The following MYO3B variants were observed in gnomAD, a reference collection of about 807,000 sequenced individuals.
The protein encoded by MYO3B is myosin-IIIb.
MYO3B carries 156 observed loss-of-function variants against 174.6 expected under a neutral mutation model. The observed-to-expected ratio is 0.89, with a 90% CI of 0.78 to 1.02. The LOEUF is 1.02. Among genes scored for constraint, MYO3B ranks in the 50% least tolerant of loss-of-function variants. The pLI, the probability that MYO3B is intolerant of heterozygous loss-of-function variation, is 0.00. For synonymous variants in MYO3B, 563 were observed against 569.1 expected (o/e 0.99, Z 0.15); for missense variants, 1,632 against 1,639.4 (o/e 1.00, Z 0.08).
chr2:170,593,842 C>T (rs532287198), intron 32 of MYO3B, among the ~76,000 whole-genome samples: 240 of 152,252 alleles, frequency 1.6e-3, no homozygotes, highest in African/African-American at 5.4e-3. Flanking sequence ...GGAGCAACTG[C>T]AAGATTTTCC....
intron 6 of MYO3B, among the ~76,000 whole-genome samples, chr2:170,233,804 C>T (rs1559321556): frequency 6.6e-6 from 1 of 152,208 alleles, no homozygotes; most frequent in Non-Finnish European, 1.5e-5. Context: ...GTCCAATGCA[C>T]TGTTTCTGGA....
chr2:170,304,556 C>T (rs1316478085), intron 7 of MYO3B, among the ~76,000 whole-genome samples: 1 of 151,218 alleles, frequency 6.6e-6, no homozygotes. Context: ...CCTTCATCTC[C>T]CAGGTTCAAG....
chr2:170,404,160 C>A, intron 19 of MYO3B, 87 bp from the exon 20 acceptor site: 1 of 1,363,456 alleles, frequency 7.3e-7, no homozygotes, highest in Non-Finnish European at 1.0e-6. Context: ...TTCAATGTTG[C>A]TAGACCCAGA....
chr2:170,214,819 G>C lies in MYO3B; in HGVS notation c.517G>C (p.Val173Leu). Reference sequence around the variant, plus strand: ...GACAACAGAAGGAGGAGTTAAGCTCGTTGACTTTGGTAATGACTGCTTGTC... The same window carrying C: ...GACAACAGAAGGAGGAGTTAAGCTCCTTGACTTTGGTAATGACTGCTTGTC... The part of the protein sequence containing the change: ...LLTTEGGVKL[V>L]DFGVSAQLTS... Residue 173 changes from valine (V) to leucine (L), a missense_variant, in exon 5 of 35, where the codon GTT (valine) becomes CTT (leucine). Transcript: ENST00000408978. 8 of 1,612,628 alleles carry C rather than the reference G, an allele frequency of 5.0e-6. No individual in the cohort carries two copies. The highest frequency in any genetic ancestry group is 6.8e-6 in the Non-Finnish European group (8 of 1,178,698).
At chr2:170,234,184 AAAACAAAACAAAAC>A (rs1382919070) in intron 6 of MYO3B, among the ~76,000 whole-genome samples, 2,073 of 115,506 alleles carry the variant, frequency 0.018, 192 homozygotes, top group East Asian at 0.071. Context: ...AAAAAAAAAA[AAAACAAAACAAAAC>A]AAAAAAAAAA....
At chr2:170,280,241 A>G in intron 7 of MYO3B, among the ~76,000 whole-genome samples, 1 of 151,750 alleles carries the variant, frequency 6.6e-6, no homozygotes, top group Non-Finnish European at 1.5e-5. Context: ...TCATATGATT[A>G]TTGGCTGCAC....
At chr2:170,504,817 G>GT in intron 28 of MYO3B, among the ~76,000 whole-genome samples, 1 of 152,190 alleles carries the variant, frequency 6.6e-6, no homozygotes, top group African/African-American at 2.4e-5. Context: ...ATTATTGCTC[G>GT]TTTTTAATTG....
At chr2:170,413,760 C>T (rs1185520292) in intron 22 of MYO3B, among the ~76,000 whole-genome samples, 1 of 151,254 alleles carries the variant, frequency 6.6e-6, no homozygotes, top group Non-Finnish European at 1.5e-5. Context: ...TATCCTTAGG[C>T]CGGGTGCGGT....
intron 7 of MYO3B, among the ~76,000 whole-genome samples, chr2:170,260,257 A>G (rs1027987957): frequency 6.6e-6 from 1 of 152,176 alleles, no homozygotes; most frequent in Non-Finnish European, 1.5e-5. Context: ...AAAAAGACAC[A>G]TGTGCATGTA....
rs147422165 is a variant in MYO3B, at chr2:170,243,992, C to T, written c.749+7856C>T. 9.3e-4 allele frequency among the ~76,000 whole-genome samples: 141 copies of T among 152,294 alleles called. 2 individuals are homozygous for T. Among genetic ancestry groups the T allele is most frequent in the African/African-American group, 3.3e-3 (137 of 41,572 alleles). On this transcript the variant is annotated intron_variant, in intron 7 of 34. Transcript: ENST00000408978. ...TCACACACATACATGAATGCTGTGA[C>T]AGGAACTGCACATGAGGAAGCAGGG...
At chr2:170,371,185 T>C in intron 9 of MYO3B, among the ~76,000 whole-genome samples, 1 of 124,630 alleles carries the variant, frequency 8.0e-6, no homozygotes, top group African/African-American at 3.2e-5. Flanking sequence ...GCCACTGCAC[T>C]CCAGCCTGGG....
chr2:170,222,989 G>A (rs1157481822), intron 6 of MYO3B, among the ~76,000 whole-genome samples: 2 of 151,988 alleles, frequency 1.3e-5, no homozygotes, highest in Non-Finnish European at 2.9e-5. Flanking sequence ...CACATAGACT[G>A]TCTGCACTCT....
intron 3 of MYO3B, among the ~76,000 whole-genome samples, chr2:170,212,316 G>T (rs2105361129): frequency 6.6e-6 from 1 of 151,664 alleles, no homozygotes; most frequent in Admixed American, 6.6e-5. Context: ...AACAGGGAGA[G>T]AAACTTGGGA....
chr2:170,397,076 A>C (rs1574912237), intron 16 of MYO3B, among the ~76,000 whole-genome samples: 1 of 152,288 alleles, frequency 6.6e-6, no homozygotes, highest in East Asian at 1.9e-4. Flanking sequence ...AAGTCCCAGA[A>C]AACCTACTTA....
chr2:170,485,272 T>TTAAG (rs761834810), intron 25 of MYO3B, among the ~76,000 whole-genome samples: 2 of 152,108 alleles, frequency 1.3e-5, no homozygotes, highest in Non-Finnish European at 2.9e-5. Flanking sequence ...TCTAAAATTT[T>TTAAG]TAAGTATCAC....
chr2:170,307,685 T>C (rs1179897589), intron 7 of MYO3B, among the ~76,000 whole-genome samples: 3 of 152,226 alleles, frequency 2.0e-5, no homozygotes, highest in Non-Finnish European at 4.4e-5. Context: ...AACAGCTTTA[T>C]TGAGGCAGCA....
intron 23 of MYO3B, among the ~76,000 whole-genome samples, chr2:170,454,573 C>T (rs1683802197): frequency 1.3e-5 from 2 of 152,162 alleles, no homozygotes. Flanking sequence ...GCCCCTAATC[C>T]AAGAGAACTA....
At chr2:170,350,414 A>T (rs1453439023) in intron 8 of MYO3B, 1 of 152,188 alleles carries the variant, frequency 6.6e-6, no homozygotes, top group African/African-American at 2.4e-5. Flanking sequence ...TTCCTCTCCA[A>T]AAGCTTCTGC....
intron 32 of MYO3B, among the ~76,000 whole-genome samples, chr2:170,562,763 CTGTTA>C (rs1691797971): frequency 6.6e-6 from 1 of 152,126 alleles, no homozygotes; most frequent in Non-Finnish European, 1.5e-5. Context: ...ATTGTGATGC[CTGTTA>C]TAACAGTTTA....
Sources: allele counts gnomAD v4.1 joint callset (sites outside exome capture counted in the v4.1 genomes callset), GRCh38; gene constraint gnomAD v4.1.1; transcripts MANE v1.5; gene names NCBI Gene and HGNC (gene_info 2026-07-23, HGNC 2026-07-21).